DGCR2: variants seen among roughly 807,000 people sequenced by gnomAD.
DGCR2 encodes integral membrane protein DGCR2/IDD.
DGCR2 carries 24 observed loss-of-function variants against 51.6 expected under a neutral mutation model. The observed-to-expected ratio is 0.47, with a 90% confidence interval of 0.34 to 0.65. The LOEUF is 0.65. Ranked by LOEUF, DGCR2 falls within the 30% of genes least tolerant of loss-of-function variation. The pLI is 0.01. For synonymous variants in DGCR2, 340 were observed against 315.4 expected, an observed-to-expected ratio of 1.08 and a Z score of -0.82; for missense variants, 765 against 772.1, an observed-to-expected ratio of 0.99 and a Z score of 0.11.
chr22:19,089,806 C>T (rs2083058533), intron 1 of DGCR2, among the ~76,000 whole-genome samples: 1 of 152,244 alleles, frequency 6.6e-6, no homozygotes, highest in Non-Finnish European at 1.5e-5. Flanking sequence ...GTCTTGAACT[C>T]CTGGCCTCAA....
Position 19,061,278 on chromosome 22 carries a change from C to T in DGCR2, c.625+1924G>A, listed in dbSNP as rs549776991. 1.9e-5 allele frequency: 3 copies of T among 153,926 alleles called. No homozygotes were observed. In the South Asian group the frequency reaches 5.9e-4, roughly 30 times the overall value. The allele number at this position is 153,926 out of a possible 1,614,324, so 9.5% of individuals were successfully genotyped here. A position where few individuals can be genotyped will look rare whatever the true frequency, so the allele number is the denominator to read the frequency against. On this transcript the variant is annotated intron_variant, in intron 5 of 9. Coordinates refer to ENST00000263196, the MANE Select transcript of DGCR2 (RefSeq NM_005137.3). ...CTTGTTTTATACTCAGTACTGTCTTCACTCTGCAGCTTGCTTTTGGTACAG... is the reference window on the plus strand; with the variant it reads ...CTTGTTTTATACTCAGTACTGTCTTTACTCTGCAGCTTGCTTTTGGTACAG...
chr22:19,113,392 A>T lies in DGCR2; in HGVS notation c.79+8736T>A, dbSNP rs549462480. On this transcript the variant is annotated intron_variant, in intron 1 of 9. Transcript: ENST00000263196. Reference sequence around the variant, plus strand: ...TCAAAAAAATAAAAATAAAAAAAAAAAAATAACAGTATGAACTTACACAGG... The same window carrying T: ...TCAAAAAAATAAAAATAAAAAAAAATAAATAACAGTATGAACTTACACAGG... 1.8e-3 allele frequency among the ~76,000 whole-genome samples: 277 copies of T among 152,278 alleles called. 1 individual carries two copies. Among genetic ancestry groups the T allele is most frequent in the Non-Finnish European group, 1.9e-3 (132 of 68,022 alleles).
At chr22:19,041,569 G>C (rs2082432249) in intron 8 of DGCR2, 1 of 605,910 alleles carries the variant, frequency 1.7e-6, no homozygotes, top group African/African-American at 1.9e-5. Context: ...CTGGAAGGGT[G>C]ATCCGGGCCT....
chr22:19,056,567 A>ACC, intron 6 of DGCR2: 2 of 271,540 alleles, frequency 7.4e-6, no homozygotes, highest in African/African-American at 7.4e-5. Flanking sequence ...AAAAAAAAAA[A>ACC]CACACACACC....
At chr22:19,081,484 A>G (rs2082936001) in intron 2 of DGCR2, among the ~76,000 whole-genome samples, 1 of 152,236 alleles carries the variant, frequency 6.6e-6, no homozygotes, top group Admixed American at 6.5e-5. Context: ...CCTAACATTC[A>G]CTTACTGTTG....
chr22:19,089,844 G>A (rs1601267711), intron 1 of DGCR2, among the ~76,000 whole-genome samples: 1 of 152,362 alleles, frequency 6.6e-6, no homozygotes, highest in East Asian at 1.9e-4. Context: ...GCCTCCCGAA[G>A]TGCCAGGATT....
At chr22:19,113,318 C>T (rs1464921165) in intron 1 of DGCR2, among the ~76,000 whole-genome samples, 4 of 151,658 alleles carry the variant, frequency 2.6e-5, no homozygotes, top group Non-Finnish European at 5.9e-5. Flanking sequence ...TGCAGTGAGC[C>T]GAGATCACCC....
intron 7 of DGCR2, chr22:19,047,371 C>T (rs2082501063): frequency 6.6e-6 from 1 of 152,188 alleles, no homozygotes; most frequent in African/African-American, 2.4e-5. Flanking sequence ...CTGTTGTGGC[C>T]CAGCCTCTAG....
intron 6 of DGCR2, among the ~76,000 whole-genome samples, chr22:19,053,929 G>A (rs1335490142): frequency 6.6e-6 from 1 of 152,056 alleles, no homozygotes; most frequent in African/African-American, 2.4e-5. Context: ...ACCTTCAATG[G>A]GCTCATAAGC....
chr22:19,103,416 CTTTTTTTT>C (rs55877455), intron 1 of DGCR2, among the ~76,000 whole-genome samples: 55 of 67,720 alleles, frequency 8.1e-4, no homozygotes, highest in African/African-American at 1.9e-3. Context: ...AAAAAAAGTT[CTTTTTTTT>C]TTTTTTTTTT....
rs557431100 is a variant in DGCR2 at position 19,084,353 on chromosome 22, G to C, written c.202+5015C>G. Among the ~76,000 whole-genome samples, 60 of 150,758 alleles carry C rather than the reference G, an allele frequency of 4.0e-4. No individual in the cohort carries two copies. In the South Asian group the frequency reaches 4.0e-3, roughly 10 times the overall value. ...CGCCGCCCCGTCTGGGATGTGAAGA[G>C]CACCTCTGCCCGGCCACGACCCCGT... is the stretch of plus-strand genomic sequence containing the variant. On this transcript the variant is annotated intron_variant, in intron 2 of 9. Transcript: ENST00000263196.
intron 1 of DGCR2, among the ~76,000 whole-genome samples, chr22:19,097,613 C>T (rs1333266532): frequency 1.3e-5 from 2 of 152,270 alleles, no homozygotes; most frequent in South Asian, 4.1e-4. Flanking sequence ...CTCCTGTGTT[C>T]CCAGGGCATA....
At position 19,112,805 on chromosome 22, in the gene DGCR2, TTTGAACCCAAGAACCTTGAG is replaced by T. The variant is rs1285364236; in HGVS notation, c.79+9303_79+9322del. Among the ~76,000 whole-genome samples the T allele has an allele frequency of 2.8e-4, 40 of 144,134 alleles. 6 individuals carry two copies. The highest frequency in any genetic ancestry group is 9.7e-4 in the African/African-American group (38 of 39,332). The allele number at this position is 144,134 out of a possible 152,430, so 94.6% of individuals were successfully genotyped here. A position where few individuals can be genotyped will look rare whatever the true frequency, so the allele number is the denominator to read the frequency against. On this transcript the variant is annotated intron_variant, in intron 1 of 9. Coordinates refer to ENST00000263196, the MANE Select transcript of DGCR2 (RefSeq NM_005137.3). ...GAGAAGAGAATTAATCCAAGTAGCT[TTTGAACCCAAGAACCTTGAG>T]TATACACCATCAATCTGAAAACACA... is the stretch of plus-strand genomic sequence containing the variant.
intron 2 of DGCR2, among the ~76,000 whole-genome samples, chr22:19,071,482 A>C (rs1022600297): frequency 6.8e-6 from 1 of 146,304 alleles, no homozygotes; most frequent in African/African-American, 2.5e-5. Context: ...ATTGCTACCT[A>C]AAAAAAAAAA....
Position 19,108,569 on chromosome 22 carries a change from TAAAAAAAAAAA to T in DGCR2, c.79+13548_79+13558del, listed in dbSNP as rs55803042. ...CAGCCTGGGCAACAGAGAATTTATC[TAAAAAAAAAAA>T]AAAAAAAAAAAAAAAAAAAAAAAAG... On this transcript the variant is annotated intron_variant, in intron 1 of 9. Transcript: ENST00000263196. Among the ~76,000 whole-genome samples, 569 of 90,516 alleles carry T rather than the reference TAAAAAAAAAAA, an allele frequency of 6.3e-3. 4 individuals are homozygous for T. The highest frequency in any genetic ancestry group is 0.042 in the East Asian group (101 of 2,424). 59.4% of individuals were successfully genotyped at this position (90,516 alleles called of 152,430 possible).
intron 7 of DGCR2, among the ~76,000 whole-genome samples, chr22:19,043,739 C>T (rs1272860024): frequency 6.6e-6 from 1 of 152,150 alleles, no homozygotes; most frequent in Non-Finnish European, 1.5e-5. Context: ...CTTCACAACC[C>T]CCGTGTGAGT....
chr22:19,118,465 G>A (rs1164854896), intron 1 of DGCR2, among the ~76,000 whole-genome samples: 1 of 150,910 alleles, frequency 6.6e-6, no homozygotes, highest in Non-Finnish European at 1.5e-5. Context: ...GATCAGCTCA[G>A]CACAGCTGCC....
intron 1 of DGCR2, among the ~76,000 whole-genome samples, chr22:19,116,298 A>G (rs2083372466): frequency 6.6e-6 from 1 of 152,178 alleles, no homozygotes. Context: ...TCCACAGGCT[A>G]TTCACCCTCC....
chr22:19,058,211 G>A (rs919317394), intron 5 of DGCR2, among the ~76,000 whole-genome samples: 3 of 152,192 alleles, frequency 2.0e-5, no homozygotes, highest in Non-Finnish European at 2.9e-5. Context: ...GACACATGGT[G>A]CCCTGCCATG....
Sources: gnomAD v4.1 joint callset for allele counts (sites outside exome capture counted in the v4.1 genomes callset) on GRCh38, gnomAD v4.1.1 for gene constraint, MANE v1.5 for transcripts, NCBI Gene and HGNC (gene_info 2026-07-23, HGNC 2026-07-21) for gene names.